NAA40: variants seen among roughly 807,000 people sequenced by gnomAD.
The protein encoded by NAA40 is N-alpha-acetyltransferase 40.
NAA40 carries 26 observed loss-of-function variants against 36.6 expected under a neutral mutation model. That is an observed-to-expected ratio of 0.71 (90% confidence interval 0.52 to 0.98). The LOEUF is 0.98. Among genes scored for constraint, NAA40 ranks in the 50% least tolerant of loss-of-function variants. The probability of loss-of-function intolerance (pLI) is 0.00; values close to 1 mark genes in which losing one functional copy is unlikely to be tolerated. For missense variants in NAA40, 237 were observed against 306.5 expected (o/e 0.77, Z 1.69); for synonymous variants, 129 against 108.4 (o/e 1.19, Z -1.18).
intron 3 of NAA40, among the ~76,000 whole-genome samples, chr11:63,947,362 G>A (rs976817338): frequency 2.0e-5 from 3 of 151,930 alleles, no homozygotes; most frequent in Admixed American, 6.6e-5. Context: ...AGCCGAGATA[G>A]CACCATTGCA....
chr11:63,954,167 G>A, intron 7 of NAA40, 118 bp downstream of exon 7: 1 of 1,328,956 alleles, frequency 7.5e-7, no homozygotes, highest in Non-Finnish European at 1.1e-6. Flanking sequence ...GTCCATGGGG[G>A]TTCAGGTTCA....
chr11:63,939,585 T>A (rs1459168742), intron 1 of NAA40: 1 of 652,920 alleles, frequency 1.5e-6, no homozygotes, highest in Non-Finnish European at 1.9e-6. Flanking sequence ...CGAATCCCAG[T>A]CCACTGCCCT....
chr11:63,939,208 C>T, intron 1 of NAA40, 106 bp downstream of exon 1: 1 of 1,148,428 alleles, frequency 8.7e-7, no homozygotes, highest in Admixed American at 3.3e-5. Context: ...CCCCCTCCAG[C>T]CTCACGTGAC....
intron 1 of NAA40, chr11:63,939,321 C>A: frequency 7.9e-7 from 1 of 1,259,720 alleles, no homozygotes; most frequent in Non-Finnish European, 1.0e-6. Flanking sequence ...CCCACCCCCT[C>A]GGCGCCCCCA....
chr11:63,952,685 C>T (rs1942299297), intron 5 of NAA40, 71 bp from the exon 6 acceptor site: 6 of 1,598,544 alleles, frequency 3.8e-6, no homozygotes, highest in Admixed American at 3.4e-5. Context: ...GGACTGCAAG[C>T]TCCTCTGCCA....
Position 63,939,084 on chromosome 11 carries a change from T to TGTC in NAA40, c.-11_-9dup. 1 of 1,604,656 alleles carries TGTC rather than the reference T, an allele frequency of 6.2e-7. No homozygotes were observed. The highest frequency in any genetic ancestry group is 8.5e-7 in the Non-Finnish European group (1 of 1,175,958). On this transcript the variant is annotated 5_prime_UTR_variant, in exon 1 of 8. Transcript: ENST00000377793. ...AGTGTGTGAAGAAGAAGCTGAGCGT[T>TGTC]GTCGCCGCCGCTATGGGGGTGAGTG...
At chr11:63,953,450 G>A (rs1044829807) in intron 6 of NAA40, among the ~76,000 whole-genome samples, 1 of 152,200 alleles carries the variant, frequency 6.6e-6, no homozygotes, top group Non-Finnish European at 1.5e-5. Context: ...AGCCAGTCTG[G>A]TCAGGGCCGA....
At chr11:63,946,348 G>T (rs562256969) in intron 2 of NAA40, 80 of 248,030 alleles carry the variant, frequency 3.2e-4, no homozygotes, top group Admixed American at 4.1e-4. Context: ...CAATTAGCTG[G>T]GACTATAGGT....
rs1419748651 is a variant in NAA40 at position 63,941,289 on chromosome 11, C to G, written c.6+2187C>G. Among the ~76,000 whole-genome samples the G allele has an allele frequency of 6.6e-5, 10 of 152,314 alleles. No homozygotes were observed. The East Asian group carries it at 1.9e-3, about 29-fold the overall frequency. Reference sequence around the variant, plus strand: ...GGGAAGTCATCATTCCTTGTAGTTACCCTGTGGCAGAGCCTGGCCTCAGGC... The same window carrying G: ...GGGAAGTCATCATTCCTTGTAGTTAGCCTGTGGCAGAGCCTGGCCTCAGGC... On this transcript the variant is annotated intron_variant, in intron 1 of 7. Transcript: ENST00000377793.
At chr11:63,945,102 C>G (rs1275533811) in intron 1 of NAA40, among the ~76,000 whole-genome samples, 3 of 152,128 alleles carry the variant, frequency 2.0e-5, no homozygotes, top group African/African-American at 7.2e-5. Context: ...CTGCTCTATG[C>G]CAGGAGAATC....
At position 63,954,538 on chromosome 11, in the gene NAA40, G is replaced by A. The variant is rs1311338559; in HGVS notation, c.*59G>A. 1.3e-6 allele frequency: 2 copies of A among 1,514,442 alleles called. No individual in the cohort carries two copies. Among genetic ancestry groups the A allele is most frequent in the African/African-American group, 1.4e-5 (1 of 71,302 alleles). The allele number at this position is 1,514,442 out of a possible 1,614,324, so 93.8% of individuals were successfully genotyped here. On this transcript the variant is annotated 3_prime_UTR_variant, in exon 8 of 8. Transcript: ENST00000377793. The stretch of plus-strand genomic sequence containing the variant: ...CTCCTAAGGCCTTTCCTCTTTCCTG[G>A]TCTCACTGTTCACCGGGTGTCCTCA...
At chr11:63,952,717 C>G (rs769206488) in intron 5 of NAA40, 39 bp from the exon 6 acceptor site, 6 of 1,610,682 alleles carry the variant, frequency 3.7e-6, no homozygotes, top group Non-Finnish European at 5.1e-6. Context: ...CTCTTCATGT[C>G]CCATCCTGCA....
At chr11:63,947,116 A>G in intron 3 of NAA40, 113 bp downstream of exon 3, 1 of 1,181,220 alleles carries the variant, frequency 8.5e-7, no homozygotes, top group Non-Finnish European at 1.3e-6. Flanking sequence ...CGTATTTACG[A>G]AAAAACAGGG....
Position 63,957,086 on chromosome 11 carries a change from T to A in NAA40, c.*2607T>A, listed in dbSNP as rs1171654494. 6.6e-6 allele frequency: 1 copy of A among 151,770 alleles called. No individual in the cohort carries two copies. Among genetic ancestry groups the A allele is most frequent in the African/African-American group, 2.4e-5 (1 of 41,374 alleles). The allele number at this position is 151,770 out of a possible 1,614,324, so 9.4% of individuals were successfully genotyped here. A position where few individuals can be genotyped will look rare whatever the true frequency, so the allele number is the denominator to read the frequency against. ...TAAGATTTTTAAAATTTTAGTTATATCCACCCTATTTCAGGTTATTTTTGT... is the reference window on the plus strand; with the variant it reads ...TAAGATTTTTAAAATTTTAGTTATAACCACCCTATTTCAGGTTATTTTTGT... On this transcript the variant is annotated 3_prime_UTR_variant, in exon 8 of 8. Transcript: ENST00000377793.
In NAA40 at chr11:63,954,370, C is replaced by A. The variant is rs1229475513; in HGVS notation, c.605C>A (p.Ser202Tyr). 10 of 1,607,348 alleles carry A rather than the reference C, an allele frequency of 6.2e-6. No homozygotes were observed. The highest frequency in any genetic ancestry group is 3.4e-5 in the Admixed American group (2 of 58,338). ...ATTGATGACTCTTCCCCCAGCATGT[C>A]CGGTTGCTGTGGGGAGGATTGCTCC... ...FEIDDSSPSMSGCCGEDCSYE... is the reference protein window; with the variant it reads ...FEIDDSSPSMYGCCGEDCSYE... The change falls in exon 8 of 8, where the codon TCC (serine) becomes TAC (tyrosine). Residue 202 changes from serine (S) to tyrosine (Y), a missense_variant. Coordinates refer to ENST00000377793, the MANE Select transcript of NAA40 (RefSeq NM_024771.4).
intron 3 of NAA40, among the ~76,000 whole-genome samples, chr11:63,949,998 C>T (rs891520502): frequency 3.3e-5 from 5 of 152,036 alleles, no homozygotes; most frequent in African/African-American, 1.2e-4. Context: ...CCCGCCTCGG[C>T]CTCCCAAAGT....
intron 2 of NAA40, 104 bp downstream of exon 2, chr11:63,946,039 A>G: frequency 2.1e-6 from 2 of 953,088 alleles, no homozygotes; most frequent in Non-Finnish European, 3.3e-6. Context: ...GACACTACCC[A>G]CCCACACCGC....
At chr11:63,946,820 C>A (rs927901155) in intron 2 of NAA40, 131 bp from the exon 3 acceptor site, 1 of 1,575,412 alleles carries the variant, frequency 6.3e-7, no homozygotes, top group African/African-American at 1.3e-5. Flanking sequence ...TGGGAGGCTG[C>A]TCCTGGTTCT....
chr11:63,939,232 A>G, intron 1 of NAA40, 130 bp downstream of exon 1: 1 of 1,068,516 alleles, frequency 9.4e-7, no homozygotes. Context: ...TGACCCCCAC[A>G]TGACCCGACT....
Sources: gnomAD v4.1 joint callset for allele counts (sites outside exome capture counted in the v4.1 genomes callset) on GRCh38, gnomAD v4.1.1 for gene constraint, MANE v1.5 for transcripts, NCBI Gene and HGNC (gene_info 2026-07-23, HGNC 2026-07-21) for gene names.